The following CTNNA2 variants were observed in gnomAD, a reference collection of about 807,000 sequenced individuals.
CTNNA2 encodes the protein catenin alpha-2.
A neutral mutation model predicts 101.0 loss-of-function variants in CTNNA2; 42 were observed. That is an observed-to-expected ratio of 0.42 (90% CI 0.32 to 0.54). The LOEUF (loss-of-function observed/expected upper bound fraction) is 0.54, where lower values mean the gene tolerates loss of function less well. CTNNA2 is among the 20% of genes least tolerant of loss of function. The pLI is 0.14. For missense variants in CTNNA2, 871 were observed against 1,223.1 expected, an observed-to-expected ratio of 0.71 and a Z score of 4.29; for synonymous variants, 450 against 456.4, an observed-to-expected ratio of 0.99 and a Z score of 0.18.
At chr2:79,331,069 G>C (rs1334903144) in intron 3 of CTNNA2, among the ~76,000 whole-genome samples, 1 of 152,102 alleles carries the variant, frequency 6.6e-6, no homozygotes, top group Non-Finnish European at 1.5e-5. Context: ...GTAGCATTTT[G>C]CCAGTAAGAG....
intron 9 of CTNNA2, among the ~76,000 whole-genome samples, chr2:80,432,195 T>A (rs905686022): frequency 6.6e-6 from 1 of 152,158 alleles, no homozygotes; most frequent in African/African-American, 2.4e-5. Flanking sequence ...TATTAGCACA[T>A]CCTTTTCCAG....
At position 80,031,437 on chromosome 2, in the gene CTNNA2, A is replaced by G. The variant is rs139359828; in HGVS notation, c.1056+121640A>G. ...GAGCAGCAAGTCACGTCTTACATTG[A>G]TGGCAGCAGGCAAAAAGAGAGAGCT... On this transcript the variant is annotated intron_variant, in intron 7 of 18. Coordinates refer to ENST00000402739, the MANE Select transcript of CTNNA2 (RefSeq NM_001282597.3). Among the ~76,000 whole-genome samples, 563 of 152,320 alleles carry G rather than the reference A, an allele frequency of 3.7e-3. 19 individuals carry two copies. In the East Asian group the frequency reaches 0.069, roughly 19 times the overall value.
At chr2:79,509,745 A>C (rs1426833716), upstream of CTNNA2, among the ~76,000 whole-genome samples, 3 of 152,176 alleles carry the variant, frequency 2.0e-5, no homozygotes, top group Non-Finnish European at 4.4e-5. Flanking sequence ...GATGTAAACT[A>C]TGGACTTTGG....
intron 7 of CTNNA2, among the ~76,000 whole-genome samples, chr2:80,387,255 C>T (rs1024546239): frequency 4.0e-5 from 6 of 151,898 alleles, no homozygotes; most frequent in Non-Finnish European, 8.8e-5. Flanking sequence ...TGCCACTGCA[C>T]TCCAGCCTGG....
At chr2:79,924,865 G>A (rs1031873055) in intron 7 of CTNNA2, among the ~76,000 whole-genome samples, 5 of 152,110 alleles carry the variant, frequency 3.3e-5, no homozygotes, top group Non-Finnish European at 5.9e-5. Context: ...TGAAGAAAGT[G>A]TGGTTGTGAA....
chr2:80,633,788 A>C lies in CTNNA2; in HGVS notation c.2575-13797A>C, dbSNP rs192924062. ...ACCAGCACTATACCTAGCAAACATA[A>C]TTCTGTGCCTCTTAGATGCTGGTGC... On this transcript the variant is annotated intron_variant, in intron 18 of 18. Coordinates refer to ENST00000402739, the MANE Select transcript of CTNNA2 (RefSeq NM_001282597.3). Among the ~76,000 whole-genome samples the C allele has an allele frequency of 1.3e-3, 197 of 152,312 alleles. 1 individual carries two copies. Among genetic ancestry groups the C allele is most frequent in the African/African-American group, 4.5e-3 (186 of 41,590 alleles).
intron 2 of CTNNA2, among the ~76,000 whole-genome samples, chr2:79,688,699 G>A (rs1312230081): frequency 1.3e-5 from 2 of 152,026 alleles, no homozygotes; most frequent in African/African-American, 4.8e-5. Flanking sequence ...AATAAATTCA[G>A]AAATGTGAAC....
intron 11 of CTNNA2, among the ~76,000 whole-genome samples, chr2:80,552,062 C>T (rs144994584): frequency 1.6e-3 from 247 of 151,990 alleles, no homozygotes; most frequent in Middle Eastern, 6.8e-3. Flanking sequence ...GGCAAACGGC[C>T]GTCTTGGTGG....
At chr2:79,452,179 A>G (rs895667978) in intron 4 of CTNNA2, among the ~76,000 whole-genome samples, 6 of 152,116 alleles carry the variant, frequency 3.9e-5, no homozygotes, top group Non-Finnish European at 7.4e-5. Flanking sequence ...ACTGCCCCAA[A>G]GAAGTGAATG....
At position 79,743,665 on chromosome 2, in the gene CTNNA2, CT is replaced by C. The variant is rs544781495; in HGVS notation, c.103-721del. On this transcript the variant is annotated intron_variant, in intron 2 of 18. Transcript: ENST00000402739. ...TCTCCTGCCTCAGCCTCCCAAGTAGCTGCGATTGTAGGCACCTGCCACCAGG... is the reference window on the plus strand; with the variant it reads ...TCTCCTGCCTCAGCCTCCCAAGTAGCGCGATTGTAGGCACCTGCCACCAGG... Among the ~76,000 whole-genome samples the C allele has an allele frequency of 7.2e-3, 1,097 of 151,784 alleles. 13 individuals carry two copies. Among genetic ancestry groups the C allele is most frequent in the African/African-American group, 0.025 (1,053 of 41,384 alleles).
chr2:80,082,577 A>G (rs1478976969), intron 7 of CTNNA2, among the ~76,000 whole-genome samples: 1 of 152,166 alleles, frequency 6.6e-6, no homozygotes, highest in African/African-American at 2.4e-5. Context: ...CTTCTGGATA[A>G]ATGAGATGGT....
At chr2:80,045,851 T>C (rs74456671) in intron 7 of CTNNA2, among the ~76,000 whole-genome samples, 2,020 of 152,238 alleles carry the variant, frequency 0.013, 36 homozygotes, top group African/African-American at 0.045. Context: ...AACAATAGAA[T>C]AGAAATAAAG....
intron 7 of CTNNA2, among the ~76,000 whole-genome samples, chr2:80,108,303 A>C (rs928153128): frequency 7.2e-5 from 11 of 152,328 alleles, no homozygotes; most frequent in African/African-American, 2.6e-4. Context: ...TTCCTTATGC[A>C]GCAAGTATGT....
intron 7 of CTNNA2, among the ~76,000 whole-genome samples, chr2:80,216,270 G>A (rs949663948): frequency 8.5e-5 from 13 of 152,116 alleles, no homozygotes; most frequent in African/African-American, 2.2e-4. Flanking sequence ...CCCACTGTCC[G>A]ACAAGCTCCA....
At chr2:79,286,982 C>T (rs971268069) in intron 2 of CTNNA2, among the ~76,000 whole-genome samples, 1 of 152,076 alleles carries the variant, frequency 6.6e-6, no homozygotes, top group African/African-American at 2.4e-5. Flanking sequence ...TCTAAACTTC[C>T]CTTCTTGCTT....
rs1360486805 is a variant in CTNNA2 at position 79,895,696 on chromosome 2, T to TTA, written c.853-13897_853-13896insAT. ...TGTGGTTTGTGAAATTTCTTAATTT[T>TTA]TTTTTTTTTTTTTGGCTGCATGCCT... On this transcript the variant is annotated intron_variant, in intron 6 of 18. Transcript: ENST00000402739. Among the ~76,000 whole-genome samples, 29 of 151,044 alleles carry TTA rather than the reference T, an allele frequency of 1.9e-4. No homozygotes were observed. The South Asian group carries it at 3.3e-3, about 17-fold the overall frequency.
chr2:80,330,062 A>C (rs1343498752), intron 7 of CTNNA2, among the ~76,000 whole-genome samples: 1 of 152,152 alleles, frequency 6.6e-6, no homozygotes, highest in Admixed American at 6.5e-5. Flanking sequence ...GTCCCTTCCT[A>C]CCAGAACCAA....
intron 2 of CTNNA2, among the ~76,000 whole-genome samples, chr2:79,241,837 G>C (rs1400288516): frequency 6.6e-6 from 1 of 152,128 alleles, no homozygotes; most frequent in Non-Finnish European, 1.5e-5. Flanking sequence ...AAAGTGCAGG[G>C]TTAGGAGACT....
chr2:79,880,235 A>C (rs1305598403), intron 6 of CTNNA2, among the ~76,000 whole-genome samples: 1 of 151,952 alleles, frequency 6.6e-6, no homozygotes, highest in African/African-American at 2.4e-5. Context: ...TTGATTGAGG[A>C]TTTTTGCTTT....
Sources: gnomAD v4.1 joint callset for allele counts (sites outside exome capture counted in the v4.1 genomes callset) on GRCh38, gnomAD v4.1.1 for gene constraint, MANE v1.5 for transcripts, NCBI Gene and HGNC (gene_info 2026-07-23, HGNC 2026-07-21) for gene names.